The following ADCK1 variants were observed in gnomAD, a reference collection of about 807,000 sequenced individuals.
The protein encoded by ADCK1 is aarF domain-containing protein kinase 1.
Under a neutral mutation model 52.3 loss-of-function variants are expected in ADCK1, and 41 were observed. That is an observed-to-expected ratio of 0.78 (90% CI 0.61 to 1.02). ADCK1 has a LOEUF of 1.02. ADCK1 is among the 50% of genes least tolerant of loss of function. The pLI, the probability that ADCK1 is intolerant of heterozygous loss-of-function variation, is 0.00. For missense variants in ADCK1, 658 were observed against 679.5 expected (o/e 0.97, Z 0.35); for synonymous variants, 250 against 274.6 (o/e 0.91, Z 0.89).
intron 3 of ADCK1, among the ~76,000 whole-genome samples, chr14:77,840,462 T>G (rs1158571070): frequency 6.6e-6 from 1 of 152,182 alleles, no homozygotes; most frequent in Non-Finnish European, 1.5e-5. Context: ...GGCTCTCTTC[T>G]GCCTTTCTCT....
chr14:77,841,674 C>CAAAAAAAAAAAA (rs71128696), intron 3 of ADCK1, among the ~76,000 whole-genome samples: 1 of 74,248 alleles, frequency 1.3e-5, no homozygotes, highest in Non-Finnish European at 2.4e-5. Context: ...ACTAAAAATA[C>CAAAAAAAAAAAA]AAAAAAAAAA....
chr14:77,852,685 A>ATATATTATATATATATATAT (rs1566667393), intron 3 of ADCK1, among the ~76,000 whole-genome samples: 10 of 88,076 alleles, frequency 1.1e-4, no homozygotes, highest in Admixed American at 2.1e-4. Flanking sequence ...ATATATATAT[A>ATATATTATATATATATATAT]TATATATATA....
chr14:77,857,873 G>A (rs1216042763), intron 3 of ADCK1, among the ~76,000 whole-genome samples: 1 of 152,178 alleles, frequency 6.6e-6, no homozygotes, highest in East Asian at 1.9e-4. Context: ...GTCCCCACAG[G>A]GTACTGGGGT....
At chr14:77,868,738 C>G (rs959146562) in intron 4 of ADCK1, among the ~76,000 whole-genome samples, 1 of 152,174 alleles carries the variant, frequency 6.6e-6, no homozygotes. Flanking sequence ...CATTCACTAA[C>G]CCCGGGAAGG....
intron 3 of ADCK1, among the ~76,000 whole-genome samples, chr14:77,849,978 T>TTGAGACCAGCCTGGGCAACATAG (rs1427316057): frequency 6.6e-6 from 1 of 151,926 alleles, no homozygotes; most frequent in African/African-American, 2.4e-5. Context: ...GGCCAGGAGA[T>TTGAGACCAGCCTGGGCAACATAG]TGAGACCAGC....
intron 9 of ADCK1, among the ~76,000 whole-genome samples, chr14:77,929,104 A>G (rs1245122872): frequency 6.6e-6 from 1 of 152,168 alleles, no homozygotes; most frequent in Non-Finnish European, 1.5e-5. Context: ...ATAGATCATA[A>G]AGTTAGCTAC....
chr14:77,861,309 C>G (rs1190086427), intron 4 of ADCK1, among the ~76,000 whole-genome samples: 1 of 152,208 alleles, frequency 6.6e-6, no homozygotes. Flanking sequence ...TCCTCCTCCT[C>G]CCCCTTGGAA....
chr14:77,834,108 A>G (rs2081913410), intron 3 of ADCK1, among the ~76,000 whole-genome samples: 1 of 152,102 alleles, frequency 6.6e-6, no homozygotes, highest in Non-Finnish European at 1.5e-5. Context: ...AGTATTTTCA[A>G]TTCATTGTTT....
intron 3 of ADCK1, among the ~76,000 whole-genome samples, chr14:77,858,574 A>C (rs868405150): frequency 1.3e-5 from 2 of 152,142 alleles, no homozygotes; most frequent in East Asian, 3.9e-4. Flanking sequence ...GACGGAGTTT[A>C]TCTTCTTTAA....
chr14:77,857,201 A>C (rs2082437010), intron 3 of ADCK1, among the ~76,000 whole-genome samples: 1 of 151,986 alleles, frequency 6.6e-6, no homozygotes, highest in African/African-American at 2.4e-5. Flanking sequence ...TAATCCCAGC[A>C]CTTTGGGAGG....
chr14:77,896,424 C>T (rs577883313), intron 5 of ADCK1, among the ~76,000 whole-genome samples: 1 of 152,360 alleles, frequency 6.6e-6, no homozygotes, highest in African/African-American at 2.4e-5. Context: ...CTCATTGTGG[C>T]CCCTTTCCTT....
chr14:77,888,146 TGGATGG>T (rs762713013), intron 5 of ADCK1, among the ~76,000 whole-genome samples: 1 of 152,030 alleles, frequency 6.6e-6, no homozygotes, highest in Non-Finnish European at 1.5e-5. Context: ...TGTGCCTGGA[TGGATGG>T]GGCACCAAGG....
At chr14:77,877,380 T>A (rs951737457) in intron 4 of ADCK1, among the ~76,000 whole-genome samples, 23 of 152,224 alleles carry the variant, frequency 1.5e-4, no homozygotes, top group African/African-American at 5.5e-4. Context: ...AATGCTGTGC[T>A]TTGTGGATGC....
intron 5 of ADCK1, among the ~76,000 whole-genome samples, chr14:77,888,447 T>C: frequency 6.6e-6 from 1 of 152,078 alleles, no homozygotes; most frequent in East Asian, 1.9e-4. Flanking sequence ...TGGGGAACCA[T>C]TTAAGAATTT....
intron 2 of ADCK1, 112 bp downstream of exon 2, chr14:77,819,225 C>A (rs2081530417): frequency 1.4e-6 from 2 of 1,461,584 alleles, no homozygotes; most frequent in Non-Finnish European, 1.9e-6. Flanking sequence ...ACTTGTGTAT[C>A]CTTACATGTG....
chr14:77,831,691 C>T (rs986993997), intron 3 of ADCK1, among the ~76,000 whole-genome samples: 5 of 149,582 alleles, frequency 3.3e-5, no homozygotes, highest in Admixed American at 1.3e-4. Flanking sequence ...CTCAAGCAGT[C>T]CTCTTGCCTT....
intron 5 of ADCK1, among the ~76,000 whole-genome samples, chr14:77,892,329 G>A (rs1196088375): frequency 6.6e-6 from 1 of 152,226 alleles, no homozygotes; most frequent in African/African-American, 2.4e-5. Flanking sequence ...CAAGGGGGTG[G>A]TGACTACTGG....
intron 10 of ADCK1, among the ~76,000 whole-genome samples, chr14:77,932,717 G>T (rs1321869029): frequency 6.6e-6 from 1 of 152,184 alleles, no homozygotes; most frequent in African/African-American, 2.4e-5. Flanking sequence ...ATGAAGTCTT[G>T]AATAGGTCAT....
In ADCK1 at chr14:77,925,892, C is replaced by A; in HGVS notation, c.1137C>A (p.Cys379Ter). 1.2e-6 allele frequency: 2 copies of A among 1,614,218 alleles called. No homozygotes were observed. Among genetic ancestry groups the A allele is most frequent in the Non-Finnish European group, 1.7e-6 (2 of 1,180,038 alleles). ...GGGATCTCTACCCCTTGTTTGCCTG[C>A]ATGCTGACGGCGCGATCGTGGGACT... is the stretch of plus-strand genomic sequence containing the variant. Reference protein sequence around the residue: ...GAGDLYPLFACMLTARSWDSV... With the variant: ...GAGDLYPLFA The change falls in exon 9 of 11, where the codon TGC becomes TGA. Residue 379 changes from cysteine to a stop codon, truncating the protein, a stop_gained. Transcript: ENST00000238561. LOFTEE classifies it high-confidence loss of function.
Sources: allele counts gnomAD v4.1 joint callset (sites outside exome capture counted in the v4.1 genomes callset), GRCh38; gene constraint gnomAD v4.1.1; transcripts MANE v1.5; gene names NCBI Gene and HGNC (gene_info 2026-07-23, HGNC 2026-07-21).